CSMD1: variants seen among roughly 807,000 people sequenced by gnomAD.
CSMD1 encodes CUB and sushi domain-containing protein 1.
CSMD1 carries 213 observed loss-of-function variants against 417.5 expected under a neutral mutation model. The observed-to-expected ratio is 0.51, with a 90% CI of 0.46 to 0.57. CSMD1 has a LOEUF of 0.57. Among genes scored for constraint, CSMD1 ranks in the 20% least tolerant of loss-of-function variants. The pLI, the probability that CSMD1 is intolerant of heterozygous loss-of-function variation, is 0.00. For missense variants in CSMD1, 6,923 were observed against 4,529.7 expected (o/e 1.53, Z -15.17); for synonymous variants, 2,862 against 1,736.8 (o/e 1.65, Z -16.11).
intron 3 of CSMD1, among the ~76,000 whole-genome samples, chr8:4,049,057 A>C (rs1272705559): frequency 6.6e-6 from 1 of 152,154 alleles, no homozygotes; most frequent in Non-Finnish European, 1.5e-5. Flanking sequence ...CTCTCAAAAC[A>C]GTCCTTTCAT....
chr8:3,787,089 A>C (rs1799493402), intron 5 of CSMD1, among the ~76,000 whole-genome samples: 1 of 152,158 alleles, frequency 6.6e-6, no homozygotes, highest in Admixed American at 6.5e-5. Context: ...CAGAGGGTTA[A>C]ACCAAGCTTT....
intron 5 of CSMD1, among the ~76,000 whole-genome samples, chr8:3,940,240 C>T (rs1035609799): frequency 1.1e-4 from 16 of 151,854 alleles, no homozygotes; most frequent in Admixed American, 7.9e-4. Context: ...GTTAATTTTG[C>T]CTACAGAAGA....
intron 3 of CSMD1, among the ~76,000 whole-genome samples, chr8:4,248,180 C>G (rs1384268643): frequency 6.6e-6 from 1 of 152,110 alleles, no homozygotes; most frequent in African/African-American, 2.4e-5. Context: ...ACTTGAAGCC[C>G]TGGAAATTTC....
At position 2,938,346 on chromosome 8, in the gene CSMD1, A is replaced by ACAGATG. The variant is rs1305714800; in HGVS notation, c.*233_*238dup. ...TTCCTGGAGTGTGCCTTGATTTCAT[A>ACAGATG]CAGATGCAGCCAGGCATTTAGAACC... On this transcript the variant is annotated 3_prime_UTR_variant, in exon 70 of 70. Transcript: ENST00000635120. The ACAGATG allele has an allele frequency of 2.4e-5, 11 of 451,360 alleles. No individual in the cohort carries two copies. The highest frequency in any genetic ancestry group is 3.9e-5 in the Non-Finnish European group (10 of 256,028). 28.0% of individuals were successfully genotyped at this position (451,360 alleles called of 1,614,324 possible).
chr8:4,679,166 G>A (rs896947154), intron 1 of CSMD1, among the ~76,000 whole-genome samples: 10 of 152,032 alleles, frequency 6.6e-5, no homozygotes, highest in African/African-American at 2.2e-4. Context: ...CAACCACAAC[G>A]CAAGTTCTAT....
chr8:4,158,724 C>G (rs1203824275), intron 3 of CSMD1, among the ~76,000 whole-genome samples: 1 of 152,112 alleles, frequency 6.6e-6, no homozygotes. Context: ...GTCCTTATCA[C>G]AACCCCATGA....
chr8:4,502,186 T>C (rs1393959458), intron 2 of CSMD1, among the ~76,000 whole-genome samples: 1 of 152,130 alleles, frequency 6.6e-6, no homozygotes, highest in African/African-American at 2.4e-5. Context: ...ATCATTCTTA[T>C]GAACAGAAAC....
rs1211486080 is a variant in CSMD1, at chr8:3,616,803, A to G, written c.1010-6T>C. 6.3e-7 allele frequency: 1 copy of G among 1,598,100 alleles called. No individual in the cohort carries two copies. The highest frequency in any genetic ancestry group is 8.6e-7 in the Non-Finnish European group (1 of 1,167,664). ...TGCAACACCTCCTTGGCTCACTGTA[A>G]TAGACAGAAACATTGTCAAAATGCT... On this transcript the variant is annotated splice_region_variant and splice_polypyrimidine_tract_variant and intron_variant, in intron 7 of 69. Coordinates refer to ENST00000635120, the MANE Select transcript of CSMD1 (RefSeq NM_033225.6).
At chr8:4,013,532 C>G (rs1040239697) in intron 4 of CSMD1, among the ~76,000 whole-genome samples, 6 of 152,186 alleles carry the variant, frequency 3.9e-5, no homozygotes, top group African/African-American at 1.2e-4. Flanking sequence ...GTCACCATAG[C>G]TCTTAATTAC....
intron 47 of CSMD1, 50 bp from the exon 48 acceptor site, chr8:3,091,712 C>G (rs1382501500): frequency 6.5e-7 from 1 of 1,538,742 alleles, no homozygotes. Context: ...GAGCACCTAC[C>G]AAATGCATAC....
chr8:3,995,272 C>T (rs145450542), intron 5 of CSMD1, among the ~76,000 whole-genome samples: 4 of 152,334 alleles, frequency 2.6e-5, no homozygotes, highest in Admixed American at 2.0e-4. Flanking sequence ...TCAGCCTCCA[C>T]TGAAGAGTCA....
At chr8:3,791,448 G>A in intron 5 of CSMD1, among the ~76,000 whole-genome samples, 1 of 152,328 alleles carries the variant, frequency 6.6e-6, no homozygotes, top group East Asian at 1.9e-4. Flanking sequence ...CTAGCATAGT[G>A]CTGATACGTA....
At chr8:3,986,616 C>T (rs1156487888) in intron 5 of CSMD1, among the ~76,000 whole-genome samples, 5 of 152,068 alleles carry the variant, frequency 3.3e-5, no homozygotes, top group Non-Finnish European at 7.4e-5. Flanking sequence ...TGCAACATAC[C>T]TAAATCATGA....
intron 12 of CSMD1, among the ~76,000 whole-genome samples, chr8:3,453,150 G>A (rs1004044988): frequency 6.6e-6 from 1 of 152,160 alleles, no homozygotes; most frequent in Non-Finnish European, 1.5e-5. Flanking sequence ...ATTTCCATGG[G>A]ATTGGTGGTG....
intron 3 of CSMD1, among the ~76,000 whole-genome samples, chr8:4,140,196 A>AAATCAAAT (rs1554466805): frequency 1.3e-5 from 2 of 150,112 alleles, no homozygotes; most frequent in Non-Finnish European, 2.9e-5. Flanking sequence ...CTAAAACCAC[A>AAATCAAAT]AAACAAATAA....
chr8:3,076,549 G>A (rs1405828166), intron 49 of CSMD1, among the ~76,000 whole-genome samples: 2 of 152,200 alleles, frequency 1.3e-5, no homozygotes, highest in Admixed American at 1.3e-4. Flanking sequence ...ACAGGACTCT[G>A]TGGCTCTGCT....
intron 1 of CSMD1, among the ~76,000 whole-genome samples, chr8:4,786,947 A>G (rs1012267268): frequency 6.6e-6 from 1 of 152,192 alleles, no homozygotes; most frequent in African/African-American, 2.4e-5. Context: ...TTTAAATCTT[A>G]ATGTTTTTAA....
chr8:4,345,568 G>C (rs543403576), intron 3 of CSMD1, among the ~76,000 whole-genome samples: 3 of 151,946 alleles, frequency 2.0e-5, no homozygotes, highest in African/African-American at 7.2e-5. Context: ...ATCGGACAAA[G>C]CACTAATATC....
In CSMD1 at chr8:3,033,916, AAGG is replaced by A. The variant is rs1810502333; in HGVS notation, c.7661-4406_7661-4404del. Among the ~76,000 whole-genome samples the A allele has an allele frequency of 2.6e-5, 4 of 152,332 alleles. No individual in the cohort carries two copies. In the South Asian group the frequency reaches 8.3e-4, roughly 32 times the overall value. On this transcript the variant is annotated intron_variant, in intron 50 of 69. Coordinates refer to ENST00000635120, the MANE Select transcript of CSMD1 (RefSeq NM_033225.6). ...CAACTCAAGAGGATGTGGTTGTAAC[AAGG>A]AGTTGAGTCTCAGCTCATCACAGCA...
Sources: gnomAD v4.1 joint callset for allele counts (sites outside exome capture counted in the v4.1 genomes callset) on GRCh38, gnomAD v4.1.1 for gene constraint, MANE v1.5 for transcripts, NCBI Gene and HGNC (gene_info 2026-07-23, HGNC 2026-07-21) for gene names.